PHC2: variants seen among roughly 807,000 people sequenced by gnomAD.
The protein encoded by PHC2 is polyhomeotic homolog 2.
A neutral mutation model predicts 87.4 loss-of-function variants in PHC2; 29 were observed. The ratio of observed to expected loss-of-function variants is 0.33; its 90% CI spans 0.25 to 0.45. The LOEUF (loss-of-function observed/expected upper bound fraction) is 0.45. PHC2 is among the 20% of genes least tolerant of loss of function. PHC2 has a pLI of 1.00. For synonymous variants in PHC2, 438 were observed against 461.7 expected (o/e 0.95, Z 0.66); for missense variants, 857 against 1,136.7 (o/e 0.75, Z 3.54).
intron 9 of PHC2, among the ~76,000 whole-genome samples, chr1:33,339,180 C>T (rs1186331604): frequency 6.6e-6 from 1 of 152,158 alleles, no homozygotes; most frequent in Non-Finnish European, 1.5e-5. Context: ...CACTCAGTCA[C>T]CTCGAGATCT....
intron 9 of PHC2, among the ~76,000 whole-genome samples, chr1:33,337,162 G>T (rs574242138): frequency 6.6e-6 from 1 of 152,104 alleles, no homozygotes; most frequent in Non-Finnish European, 1.5e-5. Context: ...TGAGTCTAAT[G>T]AACTGCAGAT....
At chr1:33,428,520 G>T (rs1453966978) in intron 1 of PHC2, among the ~76,000 whole-genome samples, 1 of 152,214 alleles carries the variant, frequency 6.6e-6, no homozygotes, top group African/African-American at 2.4e-5. Flanking sequence ...GCCTTTATCT[G>T]ATTCAAATAT....
intron 1 of PHC2, among the ~76,000 whole-genome samples, chr1:33,405,487 G>A (rs894359565): frequency 5.9e-5 from 9 of 152,002 alleles, no homozygotes; most frequent in Admixed American, 1.3e-4. Flanking sequence ...CACTACACCC[G>A]GCAGCAGTCT....
Position 33,375,408 on chromosome 1 carries a change from C to T in PHC2, c.132G>A (p.Gln44=), listed in dbSNP as rs1384499522. The T allele has an allele frequency of 1.2e-6, 2 of 1,610,560 alleles. No individual in the cohort carries two copies. Among genetic ancestry groups the T allele is most frequent in the Admixed American group, 1.7e-5 (1 of 59,518 alleles). Residue 44 remains glutamine, a synonymous_variant, in exon 2 of 15, where the codon CAG becomes CAA. Transcript: ENST00000683057. ...CTGGAATACCACTGTACACAGAAAT[C>T]TGGGGCCCGGTGGGGCGGCCACTTC... ...SGGSGRPTGP[Q]ISVYSGIPDR...
At chr1:33,408,542 C>T (rs1445057286) in intron 1 of PHC2, among the ~76,000 whole-genome samples, 1 of 152,140 alleles carries the variant, frequency 6.6e-6, no homozygotes, top group Non-Finnish European at 1.5e-5. Context: ...CTCACTGCAA[C>T]CTCCGCCTCC....
At chr1:33,341,319 G>A (rs1646741171) in intron 9 of PHC2, among the ~76,000 whole-genome samples, 1 of 152,250 alleles carries the variant, frequency 6.6e-6, no homozygotes, top group Admixed American at 6.5e-5. Context: ...TGGAGGGAGG[G>A]CTGCGCTGAT....
At chr1:33,367,731 C>T (rs1283085706) in intron 6 of PHC2, among the ~76,000 whole-genome samples, 1 of 152,140 alleles carries the variant, frequency 6.6e-6, no homozygotes, top group African/African-American at 2.4e-5. Context: ...CTGTTGCCCT[C>T]CCTCCTCCCC....
At chr1:33,401,731 A>C (rs1050567690) in intron 1 of PHC2, among the ~76,000 whole-genome samples, 1 of 152,228 alleles carries the variant, frequency 6.6e-6, no homozygotes, top group African/African-American at 2.4e-5. Flanking sequence ...CACTTGCTAT[A>C]TGACAGATGG....
At chr1:33,365,426 A>G (rs1647392174) in intron 7 of PHC2, among the ~76,000 whole-genome samples, 1 of 152,130 alleles carries the variant, frequency 6.6e-6, no homozygotes, top group South Asian at 2.1e-4. Context: ...GAGAGGTTAC[A>G]TTTCGGCCTG....
intron 1 of PHC2, among the ~76,000 whole-genome samples, chr1:33,383,926 C>T (rs1648615781): frequency 6.6e-6 from 1 of 152,128 alleles, no homozygotes; most frequent in African/African-American, 2.4e-5. Flanking sequence ...GCCCTGCCGA[C>T]ACCTGGATTT....
chr1:33,328,756 G>A (rs539792015), intron 14 of PHC2, 114 bp downstream of exon 14: 1 of 1,030,846 alleles, frequency 9.7e-7, no homozygotes, highest in East Asian at 2.4e-5. Flanking sequence ...CTGCACCCCA[G>A]TTCCTGAACC....
chr1:33,413,734 T>C (rs1650076200), intron 1 of PHC2, among the ~76,000 whole-genome samples: 1 of 152,240 alleles, frequency 6.6e-6, no homozygotes, highest in Non-Finnish European at 1.5e-5. Context: ...AAAACTGGCC[T>C]ATATAGATAA....
chr1:33,394,497 G>C (rs1649215468), intron 1 of PHC2, among the ~76,000 whole-genome samples: 1 of 152,166 alleles, frequency 6.6e-6, no homozygotes, highest in South Asian at 2.1e-4. Context: ...CAATGCCTGG[G>C]CCCCACTCCT....
chr1:33,343,080 G>T (rs916246447), intron 9 of PHC2, among the ~76,000 whole-genome samples: 1 of 152,134 alleles, frequency 6.6e-6, no homozygotes, highest in Non-Finnish European at 1.5e-5. Flanking sequence ...CTGTCTGGGA[G>T]GTTTCAGTAA....
At chr1:33,329,930 G>C (rs4653043) in intron 13 of PHC2, 141 bp downstream of exon 13, 302,239 of 894,568 alleles carry the variant, frequency 0.34, 55,085 homozygotes, top group African/African-American at 0.66. Context: ...CAGAAGGCTC[G>C]ACTGGACAGG....
At chr1:33,365,327 C>A (rs1033689384) in intron 7 of PHC2, among the ~76,000 whole-genome samples, 3 of 152,186 alleles carry the variant, frequency 2.0e-5, no homozygotes, top group Non-Finnish European at 4.4e-5. Flanking sequence ...TTCTTGAGAA[C>A]TGAGTTGCCT....
chr1:33,343,026 GT>G (rs1309009616), intron 9 of PHC2, among the ~76,000 whole-genome samples: 3 of 152,176 alleles, frequency 2.0e-5, no homozygotes, highest in Non-Finnish European at 4.4e-5. Context: ...CCTGTTCTGA[GT>G]CTTGGTTTCT....
intron 1 of PHC2, among the ~76,000 whole-genome samples, chr1:33,386,029 T>G (rs1241890040): frequency 6.6e-6 from 1 of 151,604 alleles, no homozygotes; most frequent in African/African-American, 2.4e-5. Flanking sequence ...ACTCCTGGCC[T>G]CAGGTGATCC....
At chr1:33,414,687 T>C (rs1440881546) in intron 1 of PHC2, among the ~76,000 whole-genome samples, 1 of 152,200 alleles carries the variant, frequency 6.6e-6, no homozygotes, top group Non-Finnish European at 1.5e-5. Context: ...TGAATTACTC[T>C]CTAATTGTAT....
Sources: gnomAD v4.1 joint callset for allele counts (sites outside exome capture counted in the v4.1 genomes callset) on GRCh38, gnomAD v4.1.1 for gene constraint, MANE v1.5 for transcripts, NCBI Gene and HGNC (gene_info 2026-07-23, HGNC 2026-07-21) for gene names.